THADA: variants seen among roughly 807,000 people sequenced by gnomAD.
The protein encoded by THADA is tRNA (32-2'-O)-methyltransferase regulator THADA.
THADA carries 213 observed loss-of-function variants against 219.8 expected under a neutral mutation model. The ratio of observed to expected loss-of-function variants is 0.97; its 90% CI spans 0.87 to 1.09. THADA has a LOEUF of 1.09. Ranked by LOEUF, THADA falls within the 50% of genes least tolerant of loss-of-function variation. THADA has a pLI of 0.00. For synonymous variants in THADA, 1,018 were observed against 828.9 expected (o/e 1.23, Z -3.92); for missense variants, 2,956 against 2,311.3 (o/e 1.28, Z -5.72).
intron 28 of THADA, among the ~76,000 whole-genome samples, chr2:43,418,135 A>G (rs1677232892): frequency 1.3e-5 from 2 of 152,294 alleles, no homozygotes; most frequent in South Asian, 4.1e-4. Context: ...TTTTCAATAA[A>G]TATCTGTTGA....
chr2:43,497,683 G>A (rs887684464), intron 25 of THADA, among the ~76,000 whole-genome samples: 6 of 152,112 alleles, frequency 3.9e-5, no homozygotes, highest in African/African-American at 1.2e-4. Flanking sequence ...TCAGGAGTTC[G>A]AGACCAGCCT....
chr2:43,288,134 A>C (rs1657743936), intron 34 of THADA, among the ~76,000 whole-genome samples: 1 of 152,164 alleles, frequency 6.6e-6, no homozygotes, highest in Admixed American at 6.5e-5. Flanking sequence ...AAACAGAATC[A>C]CAGGCCGGGC....
chr2:43,571,983 G>C (rs925796350), intron 12 of THADA, 121 bp from the exon 13 acceptor site: 1 of 826,302 alleles, frequency 1.2e-6, no homozygotes, highest in African/African-American at 1.7e-5. Context: ...TCACCAATAG[G>C]TACCTCAGAA....
chr2:43,567,853 G>T lies in THADA; in HGVS notation c.2188-1032C>A, dbSNP rs528741008. Among the ~76,000 whole-genome samples the T allele has an allele frequency of 5.9e-5, 9 of 152,194 alleles. No homozygotes were observed. The East Asian group carries it at 1.4e-3, about 23-fold the overall frequency. ...GGTTCCCAGTGAAGCTTCCAAATCCGTTGGCCTATCACTGAAAGCTATCCA... is the reference window on the plus strand; with the variant it reads ...GGTTCCCAGTGAAGCTTCCAAATCCTTTGGCCTATCACTGAAAGCTATCCA... On this transcript the variant is annotated intron_variant, in intron 14 of 37. Coordinates refer to ENST00000405975, the MANE Select transcript of THADA (RefSeq NM_022065.5).
At chr2:43,502,178 G>A (rs750649173) in intron 24 of THADA, among the ~76,000 whole-genome samples, 9 of 152,040 alleles carry the variant, frequency 5.9e-5, no homozygotes, top group Admixed American at 2.0e-4. Flanking sequence ...AGACTTGCAC[G>A]CACTCCAGCC....
At chr2:43,381,391 C>G (rs1421463337) in intron 29 of THADA, among the ~76,000 whole-genome samples, 1 of 152,032 alleles carries the variant, frequency 6.6e-6, no homozygotes, top group Non-Finnish European at 1.5e-5. Flanking sequence ...AATACTCCCC[C>G]CACCCAGCCT....
At chr2:43,468,699 G>C (rs1244099331) in intron 26 of THADA, among the ~76,000 whole-genome samples, 1 of 152,088 alleles carries the variant, frequency 6.6e-6, no homozygotes, top group Non-Finnish European at 1.5e-5. Flanking sequence ...TGGTATCTGA[G>C]GGCATATAAC....
In THADA at chr2:43,592,061, C is replaced by CAA; in HGVS notation, c.77-17_77-16dup. On this transcript the variant is annotated splice_polypyrimidine_tract_variant and intron_variant, in intron 2 of 37. Transcript: ENST00000405975. ...ATCAGCAAAAGCTATATAACATATACAAAAAAAAATTTTCAATGATTTAAC... is the reference window on the plus strand; with the variant it reads ...ATCAGCAAAAGCTATATAACATATACAAAAAAAAAAATTTTCAATGATTTAAC... 1.3e-6 allele frequency: 2 copies of CAA among 1,507,650 alleles called. No homozygotes were observed. The highest frequency in any genetic ancestry group is 1.8e-6 in the Non-Finnish European group (2 of 1,127,342). The allele number at this position is 1,507,650 out of a possible 1,614,324, so 93.4% of individuals were successfully genotyped here. A position where few individuals can be genotyped will look rare whatever the true frequency, so the allele number is the denominator to read the frequency against.
chr2:43,558,501 T>A (rs1269820745), intron 16 of THADA, among the ~76,000 whole-genome samples: 1 of 152,198 alleles, frequency 6.6e-6, no homozygotes, highest in Non-Finnish European at 1.5e-5. Flanking sequence ...AGATCCATCC[T>A]CCACCTGGGT....
rs533688224 is a variant in THADA at position 43,313,321 on chromosome 2, A to G, written c.4438+7125T>C. On this transcript the variant is annotated intron_variant, in intron 31 of 37. Transcript: ENST00000405975. Reference sequence around the variant, plus strand: ...AGCGCACTGACTTGGCATTTAGACTATTTAGGGTTTCTGACTCCACTTGCA... The same window carrying G: ...AGCGCACTGACTTGGCATTTAGACTGTTTAGGGTTTCTGACTCCACTTGCA... Among the ~76,000 whole-genome samples the G allele has an allele frequency of 2.0e-5, 3 of 152,366 alleles. No individual in the cohort carries two copies. The Middle Eastern group carries it at 0.01, about 518-fold the overall frequency.
At chr2:43,530,487 C>G (rs1340816271) in intron 21 of THADA, among the ~76,000 whole-genome samples, 1 of 152,228 alleles carries the variant, frequency 6.6e-6, no homozygotes, top group South Asian at 2.1e-4. Context: ...CACCAGTTAG[C>G]TTATTTGTAA....
chr2:43,534,550 T>A (rs991745921), intron 21 of THADA, among the ~76,000 whole-genome samples: 1 of 152,144 alleles, frequency 6.6e-6, no homozygotes, highest in Non-Finnish European at 1.5e-5. Flanking sequence ...CTTCCACATG[T>A]GTGAGAACAT....
rs960823353 is a variant in THADA, at chr2:43,586,337, C to A, written c.533+64G>T. On this transcript the variant is annotated intron_variant, in intron 7 of 37. Coordinates refer to ENST00000405975, the MANE Select transcript of THADA (RefSeq NM_022065.5). The stretch of plus-strand genomic sequence containing the variant: ...CACATTCTGAGACTTTTAAATTTTT[C>A]TTTGTACAAAGATAATGTACAACTG... 22 of 1,316,426 alleles carry A rather than the reference C, an allele frequency of 1.7e-5. No homozygotes were observed. In the African/African-American group the frequency reaches 3.2e-4, roughly 19 times the overall value. 81.5% of individuals were successfully genotyped at this position (1,316,426 alleles called of 1,614,324 possible).
Position 43,592,317 on chromosome 2 carries a change from A to G in THADA, c.76T>C (p.Ser26Pro). The G allele has an allele frequency of 1.2e-6, 2 of 1,600,210 alleles. No individual in the cohort carries two copies. The highest frequency in any genetic ancestry group is 1.7e-6 in the Non-Finnish European group (2 of 1,173,758). Residue 26 changes from serine to proline, a missense_variant and splice_region_variant, in exon 2 of 38, where the codon TCT becomes CCT. Coordinates refer to ENST00000405975, the MANE Select transcript of THADA (RefSeq NM_022065.5). ...ATAAGGGAAACCAGAAGTCACCTAC[A>G]TTTCAAAGTTTCAAGGTCCTGATGG... ...ICHQDLETLKSFADVEGKNLA... is the reference protein window; with the variant it reads ...ICHQDLETLKPFADVEGKNLA...
intron 36 of THADA, among the ~76,000 whole-genome samples, chr2:43,251,215 G>A (rs75925229): frequency 5.3e-5 from 8 of 152,178 alleles, no homozygotes; most frequent in African/African-American, 1.9e-4. Flanking sequence ...GCAGAGAGCA[G>A]AGATCAGATC....
intron 26 of THADA, among the ~76,000 whole-genome samples, chr2:43,470,332 T>C (rs1172034121): frequency 6.6e-6 from 1 of 151,756 alleles, no homozygotes; most frequent in African/African-American, 2.4e-5. Flanking sequence ...CTGTAGGAAA[T>C]AACCCTACAC....
intron 21 of THADA, among the ~76,000 whole-genome samples, chr2:43,537,939 C>CA (rs1196698525): frequency 0.043 from 2,577 of 60,128 alleles, 58 homozygotes; most frequent in African/African-American, 0.11. Flanking sequence ...GACCCAGACT[C>CA]AAAAAAAAAA....
chr2:43,566,368 T>G (rs1020512651), intron 15 of THADA: 3 of 606,244 alleles, frequency 4.9e-6, no homozygotes, highest in Non-Finnish European at 8.9e-6. Context: ...TTATTTCAAA[T>G]TTTAAAACTT....
intron 19 of THADA, among the ~76,000 whole-genome samples, chr2:43,549,958 C>G (rs1696557847): frequency 6.6e-6 from 1 of 150,576 alleles, no homozygotes; most frequent in Non-Finnish European, 1.5e-5. Context: ...GACTCCACAA[C>G]TTTGAAACAC....
Sources: gnomAD v4.1 joint callset for allele counts (sites outside exome capture counted in the v4.1 genomes callset) on GRCh38, gnomAD v4.1.1 for gene constraint, MANE v1.5 for transcripts, NCBI Gene and HGNC (gene_info 2026-07-23, HGNC 2026-07-21) for gene names.